Variants in MAPK8 observed in about 807,000 individuals in gnomAD.
MAPK8 encodes mitogen-activated protein kinase 8, also known as JUN N-terminal kinase.
MAPK8 carries 13 observed loss-of-function variants against 52.9 expected under a neutral mutation model. That is an observed-to-expected ratio of 0.25 (90% CI 0.16 to 0.39). The LOEUF is 0.39. Among genes scored for constraint, MAPK8 ranks in the 10% least tolerant of loss-of-function variants. The pLI, the probability that MAPK8 is intolerant of heterozygous loss-of-function variation, is 1.00. For synonymous variants in MAPK8, 191 were observed against 169.8 expected (o/e 1.12, Z -0.97); for missense variants, 300 against 519.2 (o/e 0.58, Z 4.10).
At chr10:48,343,874 G>A (rs879743014) in intron 1 of MAPK8, among the ~76,000 whole-genome samples, 12 of 152,194 alleles carry the variant, frequency 7.9e-5, no homozygotes, top group Non-Finnish European at 1.3e-4. Flanking sequence ...TAGCTGAATC[G>A]TCTGTCCTCT....
intron 1 of MAPK8, among the ~76,000 whole-genome samples, chr10:48,364,771 G>A (rs1847881581): frequency 6.6e-6 from 1 of 152,048 alleles, no homozygotes. Flanking sequence ...CAACTAGTTG[G>A]ATACTTTCAT....
rs995343161 is a variant in MAPK8 at position 48,434,350 on chromosome 10, G to T, written c.1139-534G>T. 1.4e-4 allele frequency among the ~76,000 whole-genome samples: 22 copies of T among 152,058 alleles called. 1 individual carries two copies. The highest frequency in any genetic ancestry group is 1.2e-3 in the East Asian group (6 of 5,196). ...CCTGTTAAACTTAATTTTATTCCTT[G>T]TCTTGGCATTTGCTTTAAAACAAGA... On this transcript the variant is annotated intron_variant, in intron 11 of 11. Transcript: ENST00000374189.
chr10:48,334,988 T>C (rs1481342158), intron 1 of MAPK8, among the ~76,000 whole-genome samples: 2 of 152,164 alleles, frequency 1.3e-5, no homozygotes, highest in Admixed American at 1.3e-4. Context: ...CCAGTCCCCT[T>C]CCTCACTTAA....
At chr10:48,318,820 A>G (rs1380079460) in intron 1 of MAPK8, among the ~76,000 whole-genome samples, 1 of 152,240 alleles carries the variant, frequency 6.6e-6, no homozygotes, top group African/African-American at 2.4e-5. Context: ...AGGCTAGACG[A>G]ACAAGAAAGG....
intron 1 of MAPK8, among the ~76,000 whole-genome samples, chr10:48,397,654 G>A (rs535138210): frequency 6.6e-6 from 1 of 151,948 alleles, no homozygotes; most frequent in South Asian, 2.1e-4. Context: ...GCAGTGGTAC[G>A]ATCTTGGCTC....
chr10:48,416,913 C>T (rs2043096067), intron 5 of MAPK8, among the ~76,000 whole-genome samples: 1 of 152,108 alleles, frequency 6.6e-6, no homozygotes, highest in South Asian at 2.1e-4. Flanking sequence ...TTGAGGGCTG[C>T]TCACCTTTCT....
intron 1 of MAPK8, among the ~76,000 whole-genome samples, chr10:48,352,492 T>C (rs903923088): frequency 6.6e-6 from 1 of 152,198 alleles, no homozygotes; most frequent in Non-Finnish European, 1.5e-5. Flanking sequence ...GTCAATGTAA[T>C]CTATCAATGT....
chr10:48,357,269 C>T (rs1249615383), intron 1 of MAPK8, among the ~76,000 whole-genome samples: 1 of 152,172 alleles, frequency 6.6e-6, no homozygotes, highest in Non-Finnish European at 1.5e-5. Flanking sequence ...TTTTTCACCA[C>T]TCATAATTGG....
intron 1 of MAPK8, among the ~76,000 whole-genome samples, chr10:48,325,483 CAGA>C (rs1021891032): frequency 2.0e-5 from 3 of 152,044 alleles, no homozygotes; most frequent in Admixed American, 1.3e-4. Flanking sequence ...TTGTTTTTTT[CAGA>C]AGTTTTATGA....
At chr10:48,403,672 TCA>T (rs2042279430) in intron 2 of MAPK8, among the ~76,000 whole-genome samples, 1 of 151,996 alleles carries the variant, frequency 6.6e-6, no homozygotes, top group South Asian at 2.1e-4. Flanking sequence ...TTAAAGAAAA[TCA>T]TATTATATAG....
intron 1 of MAPK8, among the ~76,000 whole-genome samples, chr10:48,334,624 G>T (rs1451121361): frequency 6.6e-6 from 1 of 152,108 alleles, no homozygotes; most frequent in Non-Finnish European, 1.5e-5. Context: ...GGGACACTCA[G>T]ACAGAGCGGG....
intron 1 of MAPK8, among the ~76,000 whole-genome samples, chr10:48,335,448 T>G (rs1013988550): frequency 6.6e-6 from 1 of 152,178 alleles, no homozygotes; most frequent in Non-Finnish European, 1.5e-5. Flanking sequence ...AAATTATTTA[T>G]TACTTACTAC....
intron 1 of MAPK8, among the ~76,000 whole-genome samples, chr10:48,313,668 G>C (rs1005046000): frequency 6.6e-6 from 1 of 152,234 alleles, no homozygotes; most frequent in African/African-American, 2.4e-5. Flanking sequence ...ATACAGTACT[G>C]TATAGCCTCT....
At position 48,437,748 on chromosome 10, in the gene MAPK8, GCA is replaced by G. The variant is rs981258458; in HGVS notation, c.*2722_*2723del. On this transcript the variant is annotated 3_prime_UTR_variant, in exon 12 of 12. Coordinates refer to ENST00000374189, the MANE Select transcript of MAPK8 (RefSeq NM_001323329.2). The stretch of plus-strand genomic sequence containing the variant: ...CGTGCACTCTTCCGAGTTGGTAAAG[GCA>G]CAGTGTGTTCATGCCAGACTTCTAA... The G allele has an allele frequency of 2.0e-5, 3 of 152,320 alleles. No individual in the cohort carries two copies. The highest frequency in any genetic ancestry group is 3.9e-4 in the East Asian group (2 of 5,190). 9.4% of individuals were successfully genotyped at this position (152,320 alleles called of 1,614,324 possible).
intron 3 of MAPK8, among the ~76,000 whole-genome samples, chr10:48,408,209 G>T (rs2042569463): frequency 6.6e-6 from 1 of 152,172 alleles, no homozygotes. Flanking sequence ...ATACTAGGCA[G>T]TAAAAGTGAT....
chr10:48,408,412 A>ATT (rs2042579190), intron 3 of MAPK8, among the ~76,000 whole-genome samples: 1 of 152,238 alleles, frequency 6.6e-6, no homozygotes, highest in South Asian at 2.1e-4. Context: ...CTGGAAGATA[A>ATT]TTAAGTTGAG....
intron 1 of MAPK8, among the ~76,000 whole-genome samples, chr10:48,343,076 C>A (rs948909556): frequency 6.6e-6 from 1 of 152,140 alleles, no homozygotes; most frequent in African/African-American, 2.4e-5. Flanking sequence ...AAGAAGTTAC[C>A]GTGTGTTGCT....
intron 1 of MAPK8, among the ~76,000 whole-genome samples, chr10:48,353,054 CTTG>C (rs1422302470): frequency 6.6e-6 from 1 of 152,012 alleles, no homozygotes; most frequent in Non-Finnish European, 1.5e-5. Context: ...ATGCATAGGA[CTTG>C]TTGGATGAAA....
intron 1 of MAPK8, among the ~76,000 whole-genome samples, chr10:48,362,861 C>G (rs989889254): frequency 6.6e-6 from 1 of 151,422 alleles, no homozygotes; most frequent in Admixed American, 6.6e-5. Flanking sequence ...CTGCCTCAGC[C>G]TCCTGAGTAG....
Sources: gnomAD v4.1 joint callset for allele counts (sites outside exome capture counted in the v4.1 genomes callset) on GRCh38, gnomAD v4.1.1 for gene constraint, MANE v1.5 for transcripts, NCBI Gene and HGNC (gene_info 2026-07-23, HGNC 2026-07-21) for gene names.